The following NAA38 variants were observed in gnomAD, a reference collection of about 807,000 sequenced individuals.
NAA38 encodes N-alpha-acetyltransferase 38, NatC auxiliary subunit.
In NAA38, 15 loss-of-function variants were observed where a neutral mutation model predicts 12.6. The ratio of observed to expected loss-of-function variants is 1.19; its 90% CI spans 0.79 to 1.83. The LOEUF is 1.83. Ranked by LOEUF, NAA38 falls within the 40% of genes most tolerant of loss-of-function variation. The probability of loss-of-function intolerance (pLI) is 0.00; values close to 1 mark genes in which losing one functional copy is unlikely to be tolerated. For missense variants in NAA38, 183 were observed against 171.7 expected (o/e 1.07, Z -0.37); for synonymous variants, 88 against 69.9 (o/e 1.26, Z -1.29).
chr17:7,859,302 G>T, upstream of NAA38: 1 of 1,166,046 alleles, frequency 8.6e-7, no homozygotes, highest in Non-Finnish European at 1.2e-6. Context: ...TATCTGCCAA[G>T]GGAGGCACTT....
At chr17:7,878,941 G>A (rs1458391343) in intron 2 of NAA38, among the ~76,000 whole-genome samples, 2 of 150,870 alleles carry the variant, frequency 1.3e-5, no homozygotes, top group Non-Finnish European at 2.9e-5. Flanking sequence ...GTGTATATAT[G>A]TTTAATAATA....
rs539948512 is a variant in NAA38 at position 7,868,693 on chromosome 17, T to C, written c.-65-2135A>G. ...AGACACTCAGAAAACCTTAGTTTTC[T>C]TTCCCATTCCTTGTGCTAGCCATTC... On this transcript the variant is annotated intron_variant, in intron 2 of 4. Coordinates refer to the NAA38 transcript ENST00000576861. 5.3e-4 allele frequency among the ~76,000 whole-genome samples: 80 copies of C among 152,332 alleles called. 1 individual carries two copies. Among genetic ancestry groups the C allele is most frequent in the South Asian group, 6.2e-4 (3 of 4,830 alleles).
chr17:7,877,749 C>T (rs189677244), intron 2 of NAA38, among the ~76,000 whole-genome samples: 1 of 152,280 alleles, frequency 6.6e-6, no homozygotes, highest in Non-Finnish European at 1.5e-5. Context: ...ATTAAATTGG[C>T]CTTGCTAGTT....
intron 2 of NAA38, among the ~76,000 whole-genome samples, chr17:7,870,820 G>C (rs1435251800): frequency 6.6e-6 from 1 of 151,576 alleles, no homozygotes; most frequent in Admixed American, 6.6e-5. Context: ...CTGGGAGGTG[G>C]AGGTTTCGGT....
intron 3 of NAA38, chr17:7,863,379 G>C (rs746733683): frequency 1.3e-4 from 20 of 152,126 alleles, no homozygotes; most frequent in African/African-American, 4.1e-4. Context: ...GAAGGCTGCC[G>C]TCCTCAGTGA....
chr17:7,868,146 CCT>C (rs1415464629), intron 2 of NAA38, among the ~76,000 whole-genome samples: 1 of 152,070 alleles, frequency 6.6e-6, no homozygotes, highest in East Asian at 1.9e-4. Flanking sequence ...GATCAGATCC[CCT>C]TAAGGACGAA....
chr17:7,859,268 G>A (rs2078863823), upstream of NAA38: 1 of 784,672 alleles, frequency 1.3e-6, no homozygotes, highest in Admixed American at 2.6e-5. Flanking sequence ...TTTTTTCCCG[G>A]GGCCGTAGAG....
chr17:7,884,458 ATATATATATATATATATATG>A (rs1205021587), intron 1 of NAA38, among the ~76,000 whole-genome samples: 4 of 15,322 alleles, frequency 2.6e-4, no homozygotes, highest in South Asian at 5.9e-3. Context: ...ATATATATAC[ATATATATATATATATATATG>A]TATATATATA....
chr17:7,866,707 C>T, intron 2 of NAA38: 1 of 397,720 alleles, frequency 2.5e-6, no homozygotes. Context: ...TATGTCAAGT[C>T]CCTTAACACG....
At chr17:7,878,393 AAGTT>A (rs1448779626) in intron 2 of NAA38, among the ~76,000 whole-genome samples, 2 of 151,990 alleles carry the variant, frequency 1.3e-5, no homozygotes, top group Non-Finnish European at 2.9e-5. Flanking sequence ...AAAAAAAAAA[AAGTT>A]AGTGATCAAC....
At chr17:7,857,630 C>T, upstream of NAA38, 2 of 1,357,204 alleles carry the variant, frequency 1.5e-6, no homozygotes, top group East Asian at 5.6e-5. Context: ...TCTCCTACTT[C>T]TCTAGCGCTG....
chr17:7,858,639 C>T (rs1362395163), upstream of NAA38: 2 of 1,606,364 alleles, frequency 1.2e-6, no homozygotes, highest in East Asian at 2.2e-5. Context: ...GACCGGCTGC[C>T]TGAGGTACTG....
intron 2 of NAA38, among the ~76,000 whole-genome samples, chr17:7,873,691 T>G (rs1327506309): frequency 6.6e-6 from 1 of 152,068 alleles, no homozygotes; most frequent in Non-Finnish European, 1.5e-5. Context: ...AGAGCCCAAG[T>G]ATAGGCATTA....
chr17:7,857,831 A>T, upstream of NAA38: 1 of 1,354,006 alleles, frequency 7.4e-7, no homozygotes, highest in Non-Finnish European at 9.5e-7. Context: ...CACTGAATTA[A>T]AACGGAGCGT....
At chr17:7,884,933 G>A (rs776877158) in intron 1 of NAA38, 55 of 1,399,886 alleles carry the variant, frequency 3.9e-5, no homozygotes, top group Non-Finnish European at 1.9e-5. Flanking sequence ...CGACGAGGAC[G>A]ATGAGGAGGA....
intron 1 of NAA38, among the ~76,000 whole-genome samples, chr17:7,883,669 G>A (rs1209651091): frequency 2.0e-5 from 3 of 152,020 alleles, no homozygotes; most frequent in African/African-American, 7.3e-5. Flanking sequence ...AAAAAATCCA[G>A]TCCCGCTTCT....
upstream of NAA38, chr17:7,859,293 A>G (rs2078864131): frequency 9.6e-7 from 1 of 1,040,448 alleles, no homozygotes; most frequent in African/African-American, 1.6e-5. Context: ...TGAAGCTGCT[A>G]TCTGCCAAGG....
chr17:7,860,228 AC>A (rs2078873087), upstream of NAA38: 2 of 152,480 alleles, frequency 1.3e-5, no homozygotes, highest in African/African-American at 4.9e-5. Flanking sequence ...ATCATGGCTC[AC>A]TGCAGCCTGG....
At chr17:7,858,371 G>T (rs555634732), upstream of NAA38, 2 of 1,614,128 alleles carry the variant, frequency 1.2e-6, no homozygotes, top group South Asian at 2.2e-5. Context: ...CGAAGGGCTG[G>T]CATTGACAGT....
Sources: allele counts gnomAD v4.1 joint callset (sites outside exome capture counted in the v4.1 genomes callset), GRCh38; gene constraint gnomAD v4.1.1; transcripts MANE v1.5; gene names NCBI Gene and HGNC (gene_info 2026-07-23, HGNC 2026-07-21).